Variants in USP35 observed in about 807,000 individuals in gnomAD.
USP35 encodes the protein ubiquitin carboxyl-terminal hydrolase 35.
USP35 carries 69 observed loss-of-function variants against 83.8 expected under a neutral mutation model. The observed-to-expected ratio is 0.82, with a 90% CI of 0.68 to 1.01. USP35 has a LOEUF of 1.01. USP35 is among the 50% of genes least tolerant of loss of function. USP35 has a pLI of 0.00. For missense variants in USP35, 1,503 were observed against 1,362.5 expected, an observed-to-expected ratio of 1.10 and a Z score of -1.62; for synonymous variants, 714 against 589.5, an observed-to-expected ratio of 1.21 and a Z score of -3.06.
the USP35 span, among the ~76,000 whole-genome samples, chr11:78,224,065 G>A: frequency 3.3e-5 from 5 of 152,284 alleles, no homozygotes; most frequent in East Asian, 9.6e-4. Flanking sequence ...CTGGGTGACA[G>A]AGTGAGACTC....
chr11:78,198,742 C>T (rs142494620), intron 3 of USP35: 39 of 967,780 alleles, frequency 4.0e-5, no homozygotes, highest in Middle Eastern at 1.1e-3. Context: ...GGTCAAATCC[C>T]GCCTCTACCA....
At chr11:78,193,762 C>G (rs1291685478) in intron 1 of USP35, among the ~76,000 whole-genome samples, 4 of 145,046 alleles carry the variant, frequency 2.8e-5, no homozygotes, top group African/African-American at 9.9e-5. Flanking sequence ...ACAACAACAA[C>G]AAAACCCAGA....
chr11:78,227,646 A>AAAAAAAAAAAAAAAAC, the USP35 span, among the ~76,000 whole-genome samples: 1 of 151,494 alleles, frequency 6.6e-6, no homozygotes, highest in Admixed American at 6.6e-5. Context: ...AAAAAAAAAA[A>AAAAAAAAAAAAAAAAC]AGAACTAGCT....
At chr11:78,190,199 C>G (rs1318031643) in intron 1 of USP35, among the ~76,000 whole-genome samples, 1 of 152,184 alleles carries the variant, frequency 6.6e-6, no homozygotes, top group Non-Finnish European at 1.5e-5. Flanking sequence ...CTAGGAGATT[C>G]TGTGAGCTTT....
chr11:78,225,004 T>G, the USP35 span: 1 of 721,430 alleles, frequency 1.4e-6, no homozygotes, highest in South Asian at 1.7e-5. Flanking sequence ...GGTCCTAAGA[T>G]GGAGACGCCA....
At position 78,195,583 on chromosome 11, in the gene USP35, C is replaced by T. The variant is rs1319964130; in HGVS notation, c.-10-653C>T. Among the ~76,000 whole-genome samples the T allele has an allele frequency of 2.6e-5, 4 of 152,300 alleles. No individual in the cohort carries two copies. The South Asian group carries it at 6.2e-4, about 24-fold the overall frequency. On this transcript the variant is annotated intron_variant, in intron 1 of 10. Transcript: ENST00000529308. ...GAAATGACTTGGCTGAGACTCTGGA[C>T]AGCAGCTTCTAGATCCTGCTCTTAC...
In USP35 at chr11:78,196,850, T is replaced by C; in HGVS notation, c.605T>C (p.Leu202Pro). 6.6e-7 allele frequency: 1 copy of C among 1,518,012 alleles called. No homozygotes were observed. The highest frequency in any genetic ancestry group is 8.8e-7 in the Non-Finnish European group (1 of 1,137,812). The allele number at this position is 1,518,012 out of a possible 1,614,324, so 94.0% of individuals were successfully genotyped here. ...CAGGTGAGCGGGCTCCTGGCGCAGC[T>C]GTGGCGCGCACAGCCCGCCGCCATC... Reference protein sequence around the residue: ...AQQVSGLLAQLWRAQPAAILP... With the variant: ...AQQVSGLLAQPWRAQPAAILP... The change falls in exon 2 of 11, where the codon CTG becomes CCG. Residue 202 changes from leucine to proline, a missense_variant. By Grantham distance (98) the Leu-to-Pro change is moderately conservative (BLOSUM62 -3). Coordinates refer to ENST00000529308, the MANE Select transcript of USP35 (RefSeq NM_020798.4). The surrounding 1 kb of genome is among the most constrained non-coding windows in gnomAD (Gnocchi z 4.8).
At chr11:78,199,272 C>T (rs538340128) in intron 3 of USP35, 46 of 316,568 alleles carry the variant, frequency 1.5e-4, no homozygotes, top group African/African-American at 9.0e-4. Flanking sequence ...AAGCTTCTGG[C>T]CCAGGGGCAG....
At chr11:78,204,580 C>T (rs1285490669) in intron 6 of USP35, among the ~76,000 whole-genome samples, 6 of 152,268 alleles carry the variant, frequency 3.9e-5, no homozygotes, top group East Asian at 1.9e-4. Flanking sequence ...ATTTTTGCAT[C>T]TTCTCTGCGT....
chr11:78,216,901 A>G (rs1038908178), downstream of USP35: 1 of 152,234 alleles, frequency 6.6e-6, no homozygotes, highest in Admixed American at 6.5e-5. Context: ...CAGTGTAGCT[A>G]CCACCACTGC....
the USP35 span, among the ~76,000 whole-genome samples, chr11:78,236,264 A>AT: frequency 1.3e-5 from 2 of 152,186 alleles, no homozygotes; most frequent in African/African-American, 2.4e-5. Context: ...TGTAAAACTT[A>AT]TTTTTTGCAT....
intron 10 of USP35, among the ~76,000 whole-genome samples, chr11:78,211,134 C>T (rs1863757371): frequency 6.6e-6 from 1 of 151,244 alleles, no homozygotes; most frequent in Non-Finnish European, 1.5e-5. Flanking sequence ...TGTTGGTCCC[C>T]TCCCACCCCC....
At chr11:78,197,874 G>A in intron 2 of USP35, 62 bp from the exon 3 acceptor site, 1 of 1,576,036 alleles carries the variant, frequency 6.3e-7, no homozygotes, top group Non-Finnish European at 8.6e-7. Flanking sequence ...GCAGGGCATG[G>A]TGTGCTGGGG....
At chr11:78,199,180 C>T (rs941219092) in intron 3 of USP35, 3 of 224,222 alleles carry the variant, frequency 1.3e-5, no homozygotes, top group African/African-American at 6.7e-5. Context: ...GGTATTATCC[C>T]CATTTTACAG....
chr11:78,223,285 G>A, the USP35 span: 2 of 704,460 alleles, frequency 2.8e-6, no homozygotes, highest in African/African-American at 1.8e-5. Context: ...AGAAAACTGA[G>A]ACTCAGATTT....
At chr11:78,217,798 G>A (rs558165403), downstream of USP35, 1 of 152,398 alleles carries the variant, frequency 6.6e-6, no homozygotes, top group Admixed American at 6.5e-5. Context: ...GGGCGGATGA[G>A]CTGAGGAAAC....
rs531996422 is a variant in USP35, at chr11:78,208,721, C to T, written c.1486-136C>T. The T allele has an allele frequency of 5.5e-5, 49 of 895,676 alleles. No homozygotes were observed. In the African/African-American group the frequency reaches 6.3e-4, roughly 11 times the overall value. The allele number at this position is 895,676 out of a possible 1,614,324, so 55.5% of individuals were successfully genotyped here. A position where few individuals can be genotyped will look rare whatever the true frequency, so the allele number is the denominator to read the frequency against. ...GGTTGGGTCAGGGACAATAGAAAAG[C>T]GGGGAGGACCTCATGGAGGAGGCCA... On this transcript the variant is annotated intron_variant, in intron 8 of 10. Coordinates refer to ENST00000529308, the MANE Select transcript of USP35 (RefSeq NM_020798.4).
intron 1 of USP35, among the ~76,000 whole-genome samples, chr11:78,195,496 C>T (rs545261401): frequency 2.0e-5 from 3 of 152,252 alleles, no homozygotes; most frequent in African/African-American, 4.8e-5. Flanking sequence ...CCCTTGGGGC[C>T]TCTTGCCCTT....
intron 6 of USP35, among the ~76,000 whole-genome samples, chr11:78,205,155 T>A (rs962498882): frequency 2.0e-5 from 3 of 152,170 alleles, no homozygotes; most frequent in African/African-American, 7.2e-5. Flanking sequence ...ACACAGATAA[T>A]GAGTGGGAAG....
Sources: allele counts gnomAD v4.1 joint callset (sites outside exome capture counted in the v4.1 genomes callset), GRCh38; gene constraint gnomAD v4.1.1; non-coding constraint Gnocchi (gnomAD v3.1); transcripts MANE v1.5; gene names NCBI Gene and HGNC (gene_info 2026-07-23, HGNC 2026-07-21).